The following KCNIP4 variants were observed in gnomAD, a reference collection of about 807,000 sequenced individuals.
The protein encoded by KCNIP4 is potassium voltage-gated channel interacting protein 4.
In KCNIP4, 12 loss-of-function variants were observed where a neutral mutation model predicts 34.0. The observed-to-expected ratio is 0.35, with a 90% confidence interval of 0.23 to 0.57. The LOEUF is 0.57. Among genes scored for constraint, KCNIP4 ranks in the 20% least tolerant of loss-of-function variants. The probability of loss-of-function intolerance (pLI) is 0.83; values close to 1 mark genes in which losing one functional copy is unlikely to be tolerated. For missense variants in KCNIP4, 238 were observed against 311.7 expected (o/e 0.76, Z 1.78); for synonymous variants, 124 against 102.2 (o/e 1.21, Z -1.29).
At chr4:20,911,127 T>A (rs1728288701) in intron 1 of KCNIP4, among the ~76,000 whole-genome samples, 1 of 152,194 alleles carries the variant, frequency 6.6e-6, no homozygotes, top group Non-Finnish European at 1.5e-5. Context: ...AGCTGAATTG[T>A]CTGTTTCTTA....
chr4:21,354,845 A>C (rs539371520), intron 1 of KCNIP4, among the ~76,000 whole-genome samples: 1 of 152,224 alleles, frequency 6.6e-6, no homozygotes, highest in Non-Finnish European at 1.5e-5. Flanking sequence ...CAGAATATAC[A>C]TTCTTCTCAG....
At chr4:21,178,621 G>T in intron 1 of KCNIP4, among the ~76,000 whole-genome samples, 1 of 140,652 alleles carries the variant, frequency 7.1e-6, no homozygotes, top group African/African-American at 3.0e-5. Flanking sequence ...TGGTGAGAAT[G>T]TTAGCTAGTA....
At chr4:21,276,911 C>T (rs1194109183) in intron 1 of KCNIP4, among the ~76,000 whole-genome samples, 1 of 152,140 alleles carries the variant, frequency 6.6e-6, no homozygotes, top group African/African-American at 2.4e-5. Context: ...TATTTATTCT[C>T]CATCCTGTCT....
chr4:21,341,558 T>C (rs1716766106), intron 1 of KCNIP4, among the ~76,000 whole-genome samples: 1 of 135,410 alleles, frequency 7.4e-6, no homozygotes, highest in Admixed American at 7.8e-5. Context: ...TTCCTTTCAT[T>C]AACAATTCTT....
chr4:21,632,486 A>C (rs78153862), intron 1 of KCNIP4, among the ~76,000 whole-genome samples: 5,690 of 152,244 alleles, frequency 0.037, 245 homozygotes, highest in East Asian at 0.18. Context: ...TGGCCTCACA[A>C]ATTGCTGGGA....
chr4:21,489,584 G>A (rs1200787700), intron 1 of KCNIP4, among the ~76,000 whole-genome samples: 2 of 152,040 alleles, frequency 1.3e-5, no homozygotes, highest in Admixed American at 1.3e-4. Flanking sequence ...GTACAGCTAA[G>A]AAATTATATC....
At chr4:21,659,882 T>C (rs1399530915) in intron 1 of KCNIP4, among the ~76,000 whole-genome samples, 1 of 152,216 alleles carries the variant, frequency 6.6e-6, no homozygotes. Flanking sequence ...TGGACTTAAA[T>C]ACTTGAGGAG....
intron 1 of KCNIP4, among the ~76,000 whole-genome samples, chr4:21,288,906 T>C (rs1042221843): frequency 9.2e-5 from 14 of 152,234 alleles, no homozygotes; most frequent in Non-Finnish European, 1.9e-4. Flanking sequence ...GGACAGGATC[T>C]CATTTTTTCA....
chr4:20,826,530 G>A (rs998935255), intron 3 of KCNIP4, among the ~76,000 whole-genome samples: 2 of 151,998 alleles, frequency 1.3e-5, no homozygotes, highest in Middle Eastern at 3.4e-3. Flanking sequence ...TCTGCAGTGC[G>A]ACATGATCAT....
intron 1 of KCNIP4, among the ~76,000 whole-genome samples, chr4:21,239,451 G>A (rs1759629826): frequency 6.6e-6 from 1 of 151,296 alleles, no homozygotes; most frequent in African/African-American, 2.4e-5. Flanking sequence ...CTACAGAATG[G>A]GAGAAAATTT....
Position 21,171,749 on chromosome 4 carries a change from G to A in KCNIP4, c.62-289040C>T, listed in dbSNP as rs776992932. Among the ~76,000 whole-genome samples, 164 of 152,186 alleles carry A rather than the reference G, an allele frequency of 1.1e-3. 1 individual carries two copies. Among genetic ancestry groups the A allele is most frequent in the South Asian group, 8.3e-4 (4 of 4,822 alleles). ...AGTCATAGTTAGCTCCATGTTGCCC[G>A]GGAAGAATAAATGTAGTGACATGTG... On this transcript the variant is annotated intron_variant, in intron 1 of 8. Coordinates refer to ENST00000382152, the MANE Select transcript of KCNIP4 (RefSeq NM_025221.6).
chr4:21,438,976 C>T (rs1019105349), intron 1 of KCNIP4, among the ~76,000 whole-genome samples: 6 of 152,042 alleles, frequency 3.9e-5, no homozygotes, highest in African/African-American at 1.4e-4. Context: ...TCCTGGCTAA[C>T]ATGGTGAAAC....
intron 5 of KCNIP4, 68 bp downstream of exon 5, chr4:20,749,594 T>C: frequency 1.8e-6 from 2 of 1,114,646 alleles, no homozygotes; most frequent in Non-Finnish European, 2.6e-6. Flanking sequence ...ATCACCAAAC[T>C]CACATTTTCC....
intron 1 of KCNIP4, among the ~76,000 whole-genome samples, chr4:21,320,720 C>T (rs1027794918): frequency 6.6e-6 from 1 of 151,992 alleles, no homozygotes; most frequent in Non-Finnish European, 1.5e-5. Context: ...CCTGTAATCT[C>T]AGCACTTTGG....
intron 3 of KCNIP4, among the ~76,000 whole-genome samples, chr4:20,802,187 A>ATATATATGCTATATATATGC (rs1714362794): frequency 3.5e-5 from 2 of 57,780 alleles, no homozygotes; most frequent in African/African-American, 9.8e-5. Flanking sequence ...TATATATGCT[A>ATATATATGCTATATATATGC]TATATATGCT....
At chr4:20,742,820 C>T (rs146708443) in intron 5 of KCNIP4, among the ~76,000 whole-genome samples, 2,400 of 152,108 alleles carry the variant, frequency 0.016, 58 homozygotes, top group African/African-American at 0.055. Context: ...AAAACCCTGT[C>T]GTCTCAGCCC....
chr4:21,519,548 AT>A (rs1488233069), intron 1 of KCNIP4, among the ~76,000 whole-genome samples: 1 of 49,750 alleles, frequency 2.0e-5, no homozygotes, highest in Non-Finnish European at 4.6e-5. Flanking sequence ...GTATATACAC[AT>A]ATGTGTGTAT....
intron 1 of KCNIP4, among the ~76,000 whole-genome samples, chr4:21,305,302 C>G (rs1172501746): frequency 2.0e-5 from 3 of 152,130 alleles, no homozygotes; most frequent in African/African-American, 7.2e-5. Flanking sequence ...CTGCTGGGAT[C>G]TCTTACTAGC....
At chr4:21,251,879 G>C (rs1321181774) in intron 1 of KCNIP4, among the ~76,000 whole-genome samples, 1 of 139,362 alleles carries the variant, frequency 7.2e-6, no homozygotes, top group South Asian at 2.7e-4. Flanking sequence ...TGGGGAGGGG[G>C]GAGGGATAGC....
Sources: gnomAD v4.1 joint callset for allele counts (sites outside exome capture counted in the v4.1 genomes callset) on GRCh38, gnomAD v4.1.1 for gene constraint, MANE v1.5 for transcripts, NCBI Gene and HGNC (gene_info 2026-07-23, HGNC 2026-07-21) for gene names.